Variants in ASIC2 observed in about 807,000 individuals in gnomAD.
ASIC2 encodes the protein acid-sensing ion channel 2.
A neutral mutation model predicts 57.3 loss-of-function variants in ASIC2; 25 were observed. That is an observed-to-expected ratio of 0.44 (90% CI 0.32 to 0.61). The LOEUF is 0.61. Ranked by LOEUF, ASIC2 falls within the 20% of genes least tolerant of loss-of-function variation. The probability of loss-of-function intolerance (pLI) is 0.06; values close to 1 mark genes in which losing one functional copy is unlikely to be tolerated. For synonymous variants in ASIC2, 319 were observed against 307.5 expected, an observed-to-expected ratio of 1.04 and a Z score of -0.39; for missense variants, 641 against 738.1, an observed-to-expected ratio of 0.87 and a Z score of 1.52.
In ASIC2 at chr17:33,023,863, G is replaced by A. The variant is rs767697487; in HGVS notation, c.1347C>T (p.Ile449=). ...EKKFNKSEKY[I]SENILVLDIF... ...CCTACCATGCCCACTAAACTTACGAGATATATTTTTCTGATTTGTTAAATT... is the reference window on the plus strand; with the variant it reads ...CCTACCATGCCCACTAAACTTACGAAATATATTTTTCTGATTTGTTAAATT... Residue 449 remains isoleucine, a splice_region_variant and synonymous_variant, in exon 6 of 10, where the codon ATC becomes ATT. Transcript: ENST00000225823. 6.2e-7 allele frequency: 1 copy of A among 1,614,154 alleles called. No homozygotes were observed. Among genetic ancestry groups the A allele is most frequent in the East Asian group, 2.2e-5 (1 of 44,882 alleles).
chr17:34,108,393 TTC>T (rs869125433), intron 1 of ASIC2, among the ~76,000 whole-genome samples: 2 of 145,994 alleles, frequency 1.4e-5, no homozygotes, highest in Non-Finnish European at 2.9e-5. Flanking sequence ...TCCTTGTGAT[TTC>T]TTATTTGAAC....
chr17:33,065,007 G>A (rs1023706396), intron 3 of ASIC2, among the ~76,000 whole-genome samples: 5 of 152,194 alleles, frequency 3.3e-5, no homozygotes, highest in African/African-American at 7.2e-5. Flanking sequence ...GCCCAGTCAC[G>A]TAGAAGGTTT....
At chr17:33,325,803 G>A (rs559538329) in intron 1 of ASIC2, among the ~76,000 whole-genome samples, 1 of 152,156 alleles carries the variant, frequency 6.6e-6, no homozygotes, top group African/African-American at 2.4e-5. Context: ...ACAGTGGAGA[G>A]ATTTGAACTA....
At chr17:34,062,018 C>A (rs1908987893) in intron 1 of ASIC2, among the ~76,000 whole-genome samples, 1 of 152,100 alleles carries the variant, frequency 6.6e-6, no homozygotes, top group Non-Finnish European at 1.5e-5. Flanking sequence ...TACCTTGGAA[C>A]AAATGGACTT....
chr17:33,181,549 C>A (rs1373704034), intron 1 of ASIC2, among the ~76,000 whole-genome samples: 4 of 152,110 alleles, frequency 2.6e-5, no homozygotes, highest in African/African-American at 9.7e-5. Flanking sequence ...TCTGGTGGCC[C>A]CTGACATTCT....
At chr17:33,743,508 T>C (rs1910169832) in intron 1 of ASIC2, among the ~76,000 whole-genome samples, 1 of 152,278 alleles carries the variant, frequency 6.6e-6, no homozygotes, top group South Asian at 2.1e-4. Context: ...GATGTTTCTA[T>C]GAGGATATTT....
chr17:33,217,716 C>G (rs1480600589), intron 1 of ASIC2, among the ~76,000 whole-genome samples: 1 of 152,230 alleles, frequency 6.6e-6, no homozygotes, highest in African/African-American at 2.4e-5. Flanking sequence ...CCTGTTTGAA[C>G]TTCAGGTTTC....
intron 1 of ASIC2, among the ~76,000 whole-genome samples, chr17:33,127,023 G>A (rs559679936): frequency 2.0e-5 from 3 of 150,178 alleles, no homozygotes; most frequent in East Asian, 2.0e-4. Context: ...GCCCGCCACC[G>A]CGCCCGGCTA....
chr17:33,128,359 C>T (rs1463655816), intron 1 of ASIC2, among the ~76,000 whole-genome samples: 1 of 152,212 alleles, frequency 6.6e-6, no homozygotes, highest in Non-Finnish European at 1.5e-5. Context: ...TTTGTGTGTT[C>T]AGCTGATTGA....
At chr17:33,280,608 G>T (rs1229083339) in intron 1 of ASIC2, among the ~76,000 whole-genome samples, 1 of 152,202 alleles carries the variant, frequency 6.6e-6, no homozygotes, top group African/African-American at 2.4e-5. Context: ...CCTCAACAGG[G>T]CTATGCAATC....
intron 1 of ASIC2, among the ~76,000 whole-genome samples, chr17:33,754,056 C>T (rs527714475): frequency 6.6e-6 from 1 of 152,072 alleles, no homozygotes; most frequent in South Asian, 2.1e-4. Context: ...ATTTTAAAAA[C>T]AAAAAATAAA....
chr17:33,764,199 C>G (rs1334742012), intron 1 of ASIC2, among the ~76,000 whole-genome samples: 9 of 152,014 alleles, frequency 5.9e-5, no homozygotes, highest in Non-Finnish European at 2.9e-5. Flanking sequence ...CACCTGTAGT[C>G]CCAGCTACTT....
intron 1 of ASIC2, among the ~76,000 whole-genome samples, chr17:33,893,428 A>T (rs1279939093): frequency 6.6e-6 from 1 of 152,184 alleles, no homozygotes; most frequent in Non-Finnish European, 1.5e-5. Flanking sequence ...TTCTCATCTT[A>T]AAAATAAAGA....
intron 1 of ASIC2, among the ~76,000 whole-genome samples, chr17:33,643,689 A>G (rs1399961998): frequency 6.6e-6 from 1 of 152,238 alleles, no homozygotes; most frequent in Non-Finnish European, 1.5e-5. Context: ...CTGTGGATAC[A>G]TTTATAAAAA....
rs193048689 is a variant in ASIC2, at chr17:33,026,899, T to A, written c.1139-917A>T. 2.6e-5 allele frequency among the ~76,000 whole-genome samples: 4 copies of A among 152,326 alleles called. No individual in the cohort carries two copies. The East Asian group carries it at 7.7e-4, about 29-fold the overall frequency. On this transcript the variant is annotated intron_variant, in intron 4 of 9. Transcript: ENST00000225823. ...CTTTCTCCTTTCCAAAAACAACAGA[T>A]TAAATGACATGTTTCCCTGTTTGCT...
At chr17:33,199,150 A>T (rs1425743999) in intron 1 of ASIC2, among the ~76,000 whole-genome samples, 1 of 152,216 alleles carries the variant, frequency 6.6e-6, no homozygotes, top group African/African-American at 2.4e-5. Flanking sequence ...GCTGATAACC[A>T]TTTCGGGCAT....
At chr17:34,034,355 C>T (rs1002634528) in intron 1 of ASIC2, among the ~76,000 whole-genome samples, 24 of 152,238 alleles carry the variant, frequency 1.6e-4, no homozygotes, top group African/African-American at 4.1e-4. Flanking sequence ...ATTGATAGGA[C>T]GTATCTCAAA....
intron 1 of ASIC2, among the ~76,000 whole-genome samples, chr17:33,858,235 T>C (rs1443531729): frequency 6.6e-6 from 1 of 152,180 alleles, no homozygotes; most frequent in Non-Finnish European, 1.5e-5. Context: ...CATATGTTAA[T>C]TTATGCAGCC....
chr17:33,412,276 C>A (rs1910690761), intron 1 of ASIC2, among the ~76,000 whole-genome samples: 1 of 152,230 alleles, frequency 6.6e-6, no homozygotes, highest in African/African-American at 2.4e-5. Context: ...TTTGTACCAA[C>A]CCACGTGGTT....
Sources: gnomAD v4.1 joint callset for allele counts (sites outside exome capture counted in the v4.1 genomes callset) on GRCh38, gnomAD v4.1.1 for gene constraint, MANE v1.5 for transcripts, NCBI Gene and HGNC (gene_info 2026-07-23, HGNC 2026-07-21) for gene names.